The following HDGFL2 variants were observed in gnomAD, a reference collection of about 807,000 sequenced individuals.
HDGFL2 encodes hepatoma-derived growth factor-related protein 2.
In HDGFL2, 36 loss-of-function variants were observed where a neutral mutation model predicts 77.1. The observed-to-expected ratio is 0.47, with a 90% CI of 0.36 to 0.62. The LOEUF (loss-of-function observed/expected upper bound fraction) is 0.62, where lower values mean the gene tolerates loss of function less well. HDGFL2 is among the 20% of genes least tolerant of loss of function. The pLI is 0.00. For synonymous variants in HDGFL2, 463 were observed against 413.1 expected (o/e 1.12, Z -1.46); for missense variants, 976 against 973.4 (o/e 1.00, Z -0.04).
At chr19:4,501,692 C>T in intron 15 of HDGFL2, 1 of 507,414 alleles carries the variant, frequency 2.0e-6, no homozygotes, top group South Asian at 3.3e-5. Flanking sequence ...ACTCACTTAC[C>T]CAGCAGCTGC....
At position 4,501,240 on chromosome 19, in the gene HDGFL2, C is replaced by G. The variant is rs781568200; in HGVS notation, c.1839C>G (p.Ser613Arg). The G allele has an allele frequency of 6.2e-7, 1 of 1,613,626 alleles. No individual in the cohort carries two copies. The highest frequency in any genetic ancestry group is 8.5e-7 in the Non-Finnish European group (1 of 1,179,974). The change falls in exon 15 of 16, where the codon AGC (serine) becomes AGG (arginine). Residue 613 changes from serine (S) to arginine (R), a missense_variant. This residue lies in a region of HDGFL2 where 229 missense variants were observed against 187.3 expected (regional missense o/e 1.22). Transcript: ENST00000616600. ...NGEATSQKGE[S>R]AEDKEHEEGR... ...AGGCCACATCACAGAAGGGGGAGAG[C>G]GCAGAGGACAAGGAGCACGAGGAGG...
chr19:4,494,928 A>G (rs1975661319), intron 9 of HDGFL2, among the ~76,000 whole-genome samples: 1 of 151,734 alleles, frequency 6.6e-6, no homozygotes, highest in Non-Finnish European at 1.5e-5. Context: ...TCAAAACAAA[A>G]CAAAGGAGGG....
At chr19:4,476,353 C>G (rs1975074055) in intron 3 of HDGFL2, among the ~76,000 whole-genome samples, 1 of 151,390 alleles carries the variant, frequency 6.6e-6, no homozygotes, top group African/African-American at 2.4e-5. Context: ...CCACCACACC[C>G]AGCTAATTTT....
intron 3 of HDGFL2, among the ~76,000 whole-genome samples, chr19:4,488,260 C>T (rs935221609): frequency 4.4e-4 from 67 of 152,332 alleles, no homozygotes; most frequent in East Asian, 1.5e-3. Context: ...CGTGAGCCTC[C>T]GCGCCCGGCC....
At chr19:4,481,984 C>T (rs1010780484) in intron 3 of HDGFL2, among the ~76,000 whole-genome samples, 3 of 151,322 alleles carry the variant, frequency 2.0e-5, no homozygotes, top group Non-Finnish European at 2.9e-5. Flanking sequence ...AGCTGTTCCC[C>T]TCACTCTCAG....
At chr19:4,486,173 C>G (rs1358726997) in intron 3 of HDGFL2, among the ~76,000 whole-genome samples, 1 of 152,004 alleles carries the variant, frequency 6.6e-6, no homozygotes, top group Non-Finnish European at 1.5e-5. Flanking sequence ...TCCACGCTGG[C>G]AAGGCTGGCC....
rs1418938115 is a variant in HDGFL2, at chr19:4,475,517, G to A, written c.222G>A (p.Arg74=). The change falls in exon 3 of 16, where the codon AGG becomes AGA. Residue 74 remains arginine, a synonymous_variant. Transcript: ENST00000616600. The part of the protein sequence containing the change: ...CKDKYGKPNK[R]KGFNEGLWEI... ...ACAAGTACGGGAAGCCCAACAAGAG[G>A]AAAGGCTTCAATGAAGGGCTGTGGG... is the stretch of plus-strand genomic sequence containing the variant. 2.5e-6 allele frequency: 4 copies of A among 1,603,820 alleles called. No individual in the cohort carries two copies. Among genetic ancestry groups the A allele is most frequent in the Non-Finnish European group, 2.5e-6 (3 of 1,177,448 alleles).
intron 3 of HDGFL2, among the ~76,000 whole-genome samples, chr19:4,476,717 G>A (rs1975082955): frequency 6.6e-6 from 1 of 151,186 alleles, no homozygotes; most frequent in African/African-American, 2.4e-5. Flanking sequence ...TCTGGAAATA[G>A]TCAGGGAAAG....
intron 6 of HDGFL2, 32 bp downstream of exon 6, chr19:4,491,867 C>T (rs1422137153): frequency 1.3e-6 from 2 of 1,584,298 alleles, no homozygotes; most frequent in Non-Finnish European, 1.7e-6. Context: ...TTCCCATGCC[C>T]ACTCGTGGGG....
chr19:4,496,434 T>G (rs1012757178), intron 10 of HDGFL2, 29 bp downstream of exon 10: 1 of 1,550,362 alleles, frequency 6.5e-7, no homozygotes, highest in Non-Finnish European at 8.9e-7. Context: ...CTCCACACCC[T>G]GGGGGCCCCG....
At chr19:4,473,090 G>T (rs1974987033) in intron 1 of HDGFL2, among the ~76,000 whole-genome samples, 2 of 146,874 alleles carry the variant, frequency 1.4e-5, no homozygotes, top group South Asian at 4.4e-4. Context: ...AAAGAGCCGC[G>T]CGCCGACGGT....
intron 9 of HDGFL2, among the ~76,000 whole-genome samples, chr19:4,495,385 CAAAAAAAAAAA>C (rs747305046): frequency 1.8e-5 from 1 of 54,234 alleles, no homozygotes; most frequent in South Asian, 8.1e-4. Flanking sequence ...GACTCCATCT[CAAAAAAAAAAA>C]AAAAAAAAAA....
chr19:4,501,074 G>A, intron 14 of HDGFL2, 117 bp from the exon 15 acceptor site: 1 of 1,250,518 alleles, frequency 8.0e-7, no homozygotes, highest in African/African-American at 1.5e-5. Context: ...CCAGGTGGAT[G>A]GGCATGTGTC....
chr19:4,489,212 CA>C, intron 4 of HDGFL2, among the ~76,000 whole-genome samples: 1 of 151,294 alleles, frequency 6.6e-6, no homozygotes, highest in Non-Finnish European at 1.5e-5. Context: ...CTCGGTCTCT[CA>C]AAGTGCTGGG....
intron 3 of HDGFL2, among the ~76,000 whole-genome samples, chr19:4,477,193 G>T (rs1254359265): frequency 6.6e-6 from 1 of 152,114 alleles, no homozygotes; most frequent in African/African-American, 2.4e-5. Flanking sequence ...TCCAGGATCC[G>T]CAGACGTTTC....
intron 6 of HDGFL2, among the ~76,000 whole-genome samples, chr19:4,493,387 G>A (rs1975600651): frequency 6.6e-6 from 1 of 151,710 alleles, no homozygotes; most frequent in South Asian, 2.1e-4. Flanking sequence ...TGTCTGATGT[G>A]GCCTCCGCAC....
Position 4,475,493 on chromosome 19 carries a change from C to G in HDGFL2, c.198C>G (p.Asp66Glu). ...KDLFPYDKCKDKYGKPNKRKG... is the reference protein window; with the variant it reads ...KDLFPYDKCKEKYGKPNKRKG... ...TGTTCCCCTACGACAAATGTAAAGA[C>G]AAGTACGGGAAGCCCAACAAGAGGA... The change falls in exon 3 of 16, where the codon GAC becomes GAG. Residue 66 changes from aspartate (D) to glutamate (E), a missense_variant. Around this residue, in one of 5 missense-constraint regions of HDGFL2, gnomAD observed 103 missense variants for 145.7 expected, o/e 0.71. Coordinates refer to ENST00000616600, the MANE Select transcript of HDGFL2 (RefSeq NM_001001520.3). The G allele has an allele frequency of 6.2e-7, 1 of 1,609,280 alleles. No homozygotes were observed. The highest frequency in any genetic ancestry group is 8.5e-7 in the Non-Finnish European group (1 of 1,178,854).
chr19:4,489,548 C>G (rs1247123752), intron 4 of HDGFL2, among the ~76,000 whole-genome samples: 1 of 152,074 alleles, frequency 6.6e-6, no homozygotes, highest in Non-Finnish European at 1.5e-5. Context: ...AGATTACAGG[C>G]ATCCACCACC....
At chr19:4,472,929 C>T (rs772741167) in intron 1 of HDGFL2, among the ~76,000 whole-genome samples, 137 of 150,180 alleles carry the variant, frequency 9.1e-4, no homozygotes, top group Non-Finnish European at 1.5e-3. Flanking sequence ...GGGGGCCGCG[C>T]CTAGGGGTTC....
Sources: allele counts gnomAD v4.1 joint callset (sites outside exome capture counted in the v4.1 genomes callset), GRCh38; gene constraint gnomAD v4.1.1; regional missense constraint gnomAD v4.1.1; transcripts MANE v1.5; gene names NCBI Gene and HGNC (gene_info 2026-07-23, HGNC 2026-07-21).